The following STARD9 variants were observed in gnomAD, a reference collection of about 807,000 sequenced individuals.
The protein encoded by STARD9 is stAR-related lipid transfer protein 9.
Under a neutral mutation model 399.8 loss-of-function variants are expected in STARD9, and 346 were observed. That is an observed-to-expected ratio of 0.87 (90% CI 0.79 to 0.95). STARD9 has a LOEUF of 0.95. Ranked by LOEUF, STARD9 falls within the 40% of genes least tolerant of loss-of-function variation. The pLI, the probability that STARD9 is intolerant of heterozygous loss-of-function variation, is 0.00. For missense variants in STARD9, 5,832 were observed against 5,667.5 expected, an observed-to-expected ratio of 1.03 and a Z score of -0.93; for synonymous variants, 2,203 against 2,143.5, an observed-to-expected ratio of 1.03 and a Z score of -0.77.
At chr15:42,661,115 C>T (rs1362206323) in intron 9 of STARD9, 43 bp from the exon 10 acceptor site, 3 of 1,409,980 alleles carry the variant, frequency 2.1e-6, no homozygotes, top group East Asian at 2.5e-5. Context: ...GAAAACAATA[C>T]AAATCGTTCC....
In STARD9 at chr15:42,691,329, G is replaced by A; in HGVS notation, c.9751G>A (p.Glu3251Lys). 1 of 1,537,226 alleles carries A rather than the reference G, an allele frequency of 6.5e-7. No homozygotes were observed. The highest frequency in any genetic ancestry group is 8.7e-7 in the Non-Finnish European group (1 of 1,146,902). Residue 3251 changes from glutamate to lysine, a missense_variant, in exon 23 of 33, where the codon GAG becomes AAG. This residue lies in a region of STARD9 where 5,828 missense variants were observed against 5,651.1 expected (regional missense o/e 1.03). Transcript: ENST00000290607. ...TCAGATTTTAGATGCTGGGAGAGAGGAGGTGGCTGTGGCCAAGCCTCCTGT... is the reference window on the plus strand; with the variant it reads ...TCAGATTTTAGATGCTGGGAGAGAGAAGGTGGCTGTGGCCAAGCCTCCTGT... The part of the protein sequence containing the change: ...GCQILDAGRE[E>K]VAVAKPPVSK...
chr15:42,616,217 A>G (rs1162179166), intron 3 of STARD9, among the ~76,000 whole-genome samples: 1 of 152,262 alleles, frequency 6.6e-6, no homozygotes, highest in Non-Finnish European at 1.5e-5. Flanking sequence ...GACTCCAGAA[A>G]TGATTTATGT....
At chr15:42,614,049 A>C (rs1435729526) in intron 3 of STARD9, among the ~76,000 whole-genome samples, 1 of 152,144 alleles carries the variant, frequency 6.6e-6, no homozygotes, top group South Asian at 2.1e-4. Flanking sequence ...ACGGTGTCTC[A>C]TGCCTGTAAT....
chr15:42,658,482 A>AG (rs1335020293), intron 9 of STARD9, among the ~76,000 whole-genome samples: 4 of 116,836 alleles, frequency 3.4e-5, no homozygotes, highest in African/African-American at 1.4e-4. Flanking sequence ...GGCCTTTTGC[A>AG]CTTTTTTTTT....
Position 42,693,195 on chromosome 15 carries a change from A to C in STARD9, c.11617A>C (p.Thr3873Pro). 1 of 1,536,910 alleles carries C rather than the reference A, an allele frequency of 6.5e-7. No homozygotes were observed. The highest frequency in any genetic ancestry group is 1.2e-5 in the South Asian group (1 of 84,044). Residue 3873 changes from threonine (T) to proline (P), a missense_variant, in exon 23 of 33, where the codon ACT becomes CCT. This residue lies in a region of STARD9 where 5,828 missense variants were observed against 5,651.1 expected (regional missense o/e 1.03). Transcript: ENST00000290607. ...SPHSPGLFPS[T>P]SEYPGDSRVQ... ...TCATTCCCCAGGGCTCTTTCCCAGT[A>C]CTTCCGAGTATCCTGGGGACTCCAG...
intron 29 of STARD9, 55 bp from the exon 30 acceptor site, chr15:42,717,922 C>G (rs1012778064): frequency 1.3e-6 from 2 of 1,522,056 alleles, no homozygotes; most frequent in Non-Finnish European, 1.8e-6. Context: ...CTTTGTGACC[C>G]TTAGAGCCCA....
At chr15:42,674,513 T>C in intron 17 of STARD9, 22 bp downstream of exon 17, 4 of 1,534,548 alleles carry the variant, frequency 2.6e-6, no homozygotes, top group Non-Finnish European at 3.5e-6. Flanking sequence ...AGTATATGAG[T>C]CCAGCATTTT....
intron 3 of STARD9, among the ~76,000 whole-genome samples, chr15:42,610,369 C>T (rs2058823723): frequency 3.3e-5 from 5 of 152,210 alleles, no homozygotes; most frequent in Non-Finnish European, 7.4e-5. Flanking sequence ...TCTTTCCTTT[C>T]GGCAGCATGA....
chr15:42,691,817 C>G lies in STARD9; in HGVS notation c.10239C>G (p.Leu3413=). Residue 3413 remains leucine (L), a synonymous_variant, in exon 23 of 33, where the codon CTC becomes CTG. Coordinates refer to ENST00000290607, the MANE Select transcript of STARD9 (RefSeq NM_020759.3). The stretch of plus-strand genomic sequence containing the variant: ...CTCCTTATCCAATGCCTTCCACTCT[C>G]TCACACATGCCAACCCCTGATTTCA... ...ATPPYPMPST[L]SHMPTPDFTT... The G allele has an allele frequency of 6.5e-7, 1 of 1,537,284 alleles. No individual in the cohort carries two copies. Among genetic ancestry groups the G allele is most frequent in the Non-Finnish European group, 8.7e-7 (1 of 1,146,926 alleles).
intron 3 of STARD9, among the ~76,000 whole-genome samples, chr15:42,626,709 A>G (rs911174707): frequency 1.4e-5 from 2 of 146,760 alleles, no homozygotes; most frequent in Non-Finnish European, 3.0e-5. Flanking sequence ...ACGGGGTTTC[A>G]CCGTGTTGGT....
chr15:42,581,143 C>G, intron 1 of STARD9: 1 of 743,670 alleles, frequency 1.3e-6, no homozygotes, highest in Non-Finnish European at 2.5e-6. Context: ...CCATCTCCAA[C>G]TGAGCATCAC....
intron 3 of STARD9, among the ~76,000 whole-genome samples, chr15:42,597,482 C>T (rs1394945106): frequency 6.6e-6 from 1 of 152,018 alleles, no homozygotes; most frequent in Admixed American, 6.6e-5. Context: ...ATTCTCGTGC[C>T]CCAGCCTCCC....
chr15:42,618,291 C>T (rs989893250), intron 3 of STARD9, among the ~76,000 whole-genome samples: 1 of 151,214 alleles, frequency 6.6e-6, no homozygotes, highest in African/African-American at 2.4e-5. Context: ...CGCCACCACA[C>T]CTGGCTAATT....
chr15:42,720,427 G>C lies in STARD9; in HGVS notation c.*853G>C, dbSNP rs568052627. 6.6e-6 allele frequency: 1 copy of C among 152,444 alleles called. No individual in the cohort carries two copies. The highest frequency in any genetic ancestry group is 2.1e-4 in the South Asian group (1 of 4,830). 9.4% of individuals were successfully genotyped at this position (152,444 alleles called of 1,614,324 possible). On this transcript the variant is annotated 3_prime_UTR_variant, in exon 33 of 33. Transcript: ENST00000290607. ...ATTGTCCTTTGAGGAAGGGAGAGGA[G>C]GTGAATGAACTCCCAGAGGAGGTGA...
In STARD9 at chr15:42,692,573, A is replaced by G. The variant is rs971432574; in HGVS notation, c.10995A>G (p.Ala3665=). 3.0e-5 allele frequency: 46 copies of G among 1,537,130 alleles called. No homozygotes were observed. The highest frequency in any genetic ancestry group is 3.7e-5 in the Non-Finnish European group (43 of 1,146,926). ...DISFAQPEAS[A]VSAFDLASWT... ...CCTTTGCTCAGCCTGAAGCCAGTGCAGTATCAGCCTTTGATCTGGCCTCAT... is the reference window on the plus strand; with the variant it reads ...CCTTTGCTCAGCCTGAAGCCAGTGCGGTATCAGCCTTTGATCTGGCCTCAT... The change falls in exon 23 of 33, where the codon GCA becomes GCG. Residue 3665 remains alanine, a synonymous_variant. Coordinates refer to ENST00000290607, the MANE Select transcript of STARD9 (RefSeq NM_020759.3).
At chr15:42,712,097 A>ATATT (rs58494140) in intron 26 of STARD9, among the ~76,000 whole-genome samples, 1 of 208 alleles carries the variant, frequency 4.8e-3, no homozygotes, top group East Asian at 0.083. Context: ...ATATATATAT[A>ATATT]ATATATAATA....
intron 10 of STARD9, 55 bp from the exon 11 acceptor site, chr15:42,662,739 G>T (rs2140099158): frequency 8.6e-7 from 1 of 1,167,400 alleles, no homozygotes. Flanking sequence ...CAACAGCATT[G>T]TAAAGATAGT....
intron 3 of STARD9, among the ~76,000 whole-genome samples, chr15:42,619,423 G>A (rs2059038935): frequency 6.6e-6 from 1 of 151,938 alleles, no homozygotes; most frequent in African/African-American, 2.4e-5. Context: ...AAATTAGCCG[G>A]GCATGGTGGC....
intron 7 of STARD9, among the ~76,000 whole-genome samples, chr15:42,647,139 C>T (rs2059662387): frequency 6.6e-6 from 1 of 152,090 alleles, no homozygotes; most frequent in Non-Finnish European, 1.5e-5. Flanking sequence ...ATGTATAGCA[C>T]AGTTTGATTT....
Sources: gnomAD v4.1 joint callset for allele counts (sites outside exome capture counted in the v4.1 genomes callset) on GRCh38, gnomAD v4.1.1 for gene constraint, gnomAD v4.1.1 regional missense constraint, MANE v1.5 for transcripts, NCBI Gene and HGNC (gene_info 2026-07-23, HGNC 2026-07-21) for gene names.